Variants in COL25A1 observed in about 807,000 individuals in gnomAD.
COL25A1 encodes the protein collagen alpha-1(XXV) chain.
Under a neutral mutation model 128.4 loss-of-function variants are expected in COL25A1, and 103 were observed. That is an observed-to-expected ratio of 0.80 (90% CI 0.68 to 0.94). COL25A1 has a LOEUF of 0.94. Ranked by LOEUF, COL25A1 falls within the 40% of genes least tolerant of loss-of-function variation. The pLI is 0.00. For synonymous variants in COL25A1, 279 were observed against 277.2 expected (o/e 1.01, Z -0.06); for missense variants, 745 against 840.0 (o/e 0.89, Z 1.40).
At position 108,906,017 on chromosome 4, in the gene COL25A1, T is replaced by G. The variant is rs181748471; in HGVS notation, c.781-4845A>C. ...TAAGCCAGTGGTTAGAGGCTGACTC[T>G]AGGGACCAACTAACGGAGTTCTTTG... On this transcript the variant is annotated intron_variant, in intron 13 of 37. Transcript: ENST00000399132. Among the ~76,000 whole-genome samples the G allele has an allele frequency of 1.8e-3, 274 of 152,258 alleles. 2 individuals are homozygous for G. The highest frequency in any genetic ancestry group is 1.6e-3 in the Non-Finnish European group (106 of 68,008).
intron 3 of COL25A1, among the ~76,000 whole-genome samples, chr4:109,064,723 G>A (rs1206792942): frequency 6.6e-6 from 1 of 152,130 alleles, no homozygotes; most frequent in East Asian, 1.9e-4. Flanking sequence ...GGACTGTACT[G>A]GAGCTCCATG....
At chr4:109,262,343 G>A (rs560182743) in intron 3 of COL25A1, among the ~76,000 whole-genome samples, 15 of 151,660 alleles carry the variant, frequency 9.9e-5, no homozygotes, top group East Asian at 2.0e-4. Context: ...GCAAAACCCC[G>A]TCTCTACTAA....
intron 11 of COL25A1, among the ~76,000 whole-genome samples, chr4:108,926,825 T>G (rs1746116589): frequency 6.6e-6 from 1 of 151,996 alleles, no homozygotes; most frequent in Admixed American, 6.6e-5. Flanking sequence ...TATGTACGTC[T>G]GGAGTGTAAT....
intron 3 of COL25A1, among the ~76,000 whole-genome samples, chr4:109,091,859 A>G: frequency 6.6e-6 from 1 of 152,178 alleles, no homozygotes; most frequent in Non-Finnish European, 1.5e-5. Flanking sequence ...GCTCTGCATA[A>G]ACACACAAGC....
At position 108,889,207 on chromosome 4, in the gene COL25A1, G is replaced by A. The variant is rs758576558; in HGVS notation, c.975+14C>T. 4.3e-6 allele frequency: 7 copies of A among 1,610,154 alleles called. No homozygotes were observed. Among genetic ancestry groups the A allele is most frequent in the Non-Finnish European group, 4.2e-6 (5 of 1,176,472 alleles). On this transcript the variant is annotated intron_variant, in intron 18 of 37. Transcript: ENST00000399132. Reference sequence around the variant, plus strand: ...TATGAGACAGTAGGAACACACTAGAGATAGAGATATTACCTTTTGCCCTGG... The same window carrying A: ...TATGAGACAGTAGGAACACACTAGAAATAGAGATATTACCTTTTGCCCTGG...
intron 3 of COL25A1, among the ~76,000 whole-genome samples, chr4:109,178,835 CA>C (rs34132262): frequency 0.12 from 5,787 of 47,572 alleles, 43 homozygotes; most frequent in Non-Finnish European, 0.16. Flanking sequence ...ACTCCATCTC[CA>C]AAAAAAAAAA....
intron 3 of COL25A1, among the ~76,000 whole-genome samples, chr4:109,066,629 A>G (rs1334696423): frequency 6.6e-6 from 1 of 152,150 alleles, no homozygotes; most frequent in Non-Finnish European, 1.5e-5. Flanking sequence ...GAACCTATGG[A>G]TGAACGAACT....
chr4:108,915,041 A>G (rs1387828627), intron 13 of COL25A1, among the ~76,000 whole-genome samples: 1 of 152,120 alleles, frequency 6.6e-6, no homozygotes, highest in Admixed American at 6.5e-5. Context: ...TCTGTACCAC[A>G]CTACCTCCTA....
At chr4:109,028,446 G>T (rs577809917) in intron 5 of COL25A1, among the ~76,000 whole-genome samples, 1 of 152,272 alleles carries the variant, frequency 6.6e-6, no homozygotes, top group African/African-American at 2.4e-5. Flanking sequence ...AGAAAAAGGG[G>T]CCAGGCCCAG....
At chr4:108,952,831 C>CTTTTTTTT (rs59761040) in intron 8 of COL25A1, among the ~76,000 whole-genome samples, 2 of 66,988 alleles carry the variant, frequency 3.0e-5, no homozygotes, top group Non-Finnish European at 5.4e-5. Context: ...AAAAACTCAA[C>CTTTTTTTT]TTTTTTTTTT....
intron 35 of COL25A1, among the ~76,000 whole-genome samples, chr4:108,821,112 G>GA (rs1731730678): frequency 6.6e-6 from 1 of 152,130 alleles, no homozygotes; most frequent in Non-Finnish European, 1.5e-5. Context: ...GGTTAAAAGA[G>GA]ATATACATAA....
chr4:108,991,470 T>C (rs62313681), intron 6 of COL25A1, among the ~76,000 whole-genome samples: 16,951 of 152,246 alleles, frequency 0.11, 1,289 homozygotes, highest in Non-Finnish European at 0.17. Flanking sequence ...ACCATCTGCT[T>C]CATAAAACAT....
Position 109,048,174 on chromosome 4 carries a change from A to T in COL25A1, c.414T>A (p.Gly138=), listed in dbSNP as rs1579198233. The T allele has an allele frequency of 6.2e-7, 1 of 1,612,792 alleles. No individual in the cohort carries two copies. Among genetic ancestry groups the T allele is most frequent in the Middle Eastern group, 1.7e-4 (1 of 6,060 alleles). Residue 138 remains glycine, a splice_region_variant and synonymous_variant, in exon 5 of 38, where the codon GGT becomes GGA. Coordinates refer to ENST00000399132, the MANE Select transcript of COL25A1 (RefSeq NM_198721.4). Reference sequence around the variant, plus strand: ...GTGCAGCAAACATACTTACAGGAGGACCTATGGGGGGAGCAGGTGGAGAGA... The same window carrying T: ...GTGCAGCAAACATACTTACAGGAGGTCCTATGGGGGGAGCAGGTGGAGAGA... The part of the protein sequence containing the change: ...RGKRGRRGES[G]PPGQPGPQGP...
chr4:109,288,474 C>G (rs1256077167), intron 3 of COL25A1, among the ~76,000 whole-genome samples: 4 of 152,174 alleles, frequency 2.6e-5, no homozygotes, highest in Non-Finnish European at 4.4e-5. Flanking sequence ...TCTTTAACCC[C>G]TTTGTTATCT....
intron 26 of COL25A1, among the ~76,000 whole-genome samples, chr4:108,849,347 A>C (rs1233144812): frequency 6.6e-6 from 1 of 152,374 alleles, no homozygotes; most frequent in Admixed American, 6.5e-5. Flanking sequence ...TCACTGAAGG[A>C]TATCATAAAT....
rs1377319332 is a variant in COL25A1 at position 109,237,394 on chromosome 4, G to A, written c.367+63189C>T. Among the ~76,000 whole-genome samples the A allele has an allele frequency of 2.0e-5, 3 of 152,106 alleles. No homozygotes were observed. In the East Asian group the frequency reaches 5.8e-4, roughly 29 times the overall value. ...AGGTATTTAGAAAAATTATCTTTCA[G>A]AGCTCAACATATTTTGGGGGAAAAT... On this transcript the variant is annotated intron_variant, in intron 3 of 37. Coordinates refer to ENST00000399132, the MANE Select transcript of COL25A1 (RefSeq NM_198721.4).
At position 108,836,643 on chromosome 4, in the gene COL25A1, A is replaced by G. The variant is rs550768811; in HGVS notation, c.1657-4210T>C. On this transcript the variant is annotated intron_variant, in intron 31 of 37. Coordinates refer to ENST00000399132, the MANE Select transcript of COL25A1 (RefSeq NM_198721.4). ...GTGACAGAGTGAGACACTGTCTCAA[A>G]CAAAGAAAAAAGAAAATAAATGGGG... is the stretch of plus-strand genomic sequence containing the variant. Among the ~76,000 whole-genome samples the G allele has an allele frequency of 1.3e-5, 2 of 152,240 alleles. 1 individual carries two copies. The highest frequency in any genetic ancestry group is 4.2e-4 in the South Asian group (2 of 4,812).
intron 13 of COL25A1, among the ~76,000 whole-genome samples, chr4:108,905,857 G>T (rs4956222): frequency 6.1e-5 from 9 of 148,450 alleles, no homozygotes; most frequent in Admixed American, 1.3e-4. Context: ...TGTCGGGGGG[G>T]GGTGCGGGGG....
chr4:108,848,872 G>A (rs775087640), intron 26 of COL25A1, 69 bp from the exon 27 acceptor site: 36 of 1,216,340 alleles, frequency 3.0e-5, no homozygotes, highest in Non-Finnish European at 3.6e-5. Context: ...ATAAAAAAAC[G>A]ATGCTAGTTT....
Sources: allele counts gnomAD v4.1 joint callset (sites outside exome capture counted in the v4.1 genomes callset), GRCh38; gene constraint gnomAD v4.1.1; transcripts MANE v1.5; gene names NCBI Gene and HGNC (gene_info 2026-07-23, HGNC 2026-07-21).